SHANK2: variants seen among roughly 807,000 people sequenced by gnomAD.
SHANK2 encodes SH3 and multiple ankyrin repeat domains protein 2.
Under a neutral mutation model 133.7 loss-of-function variants are expected in SHANK2, and 43 were observed. The observed-to-expected ratio is 0.32, with a 90% CI of 0.25 to 0.41. The LOEUF (loss-of-function observed/expected upper bound fraction) is 0.41, where lower values mean the gene tolerates loss of function less well. Among genes scored for constraint, SHANK2 ranks in the 10% least tolerant of loss-of-function variants. The pLI is 1.00. For missense variants in SHANK2, 1,994 were observed against 2,235.8 expected, an observed-to-expected ratio of 0.89 and a Z score of 2.18; for synonymous variants, 1,017 against 952.8, an observed-to-expected ratio of 1.07 and a Z score of -1.24.
chr11:70,647,016 C>A (rs2134189617), intron 17 of SHANK2, among the ~76,000 whole-genome samples: 1 of 152,140 alleles, frequency 6.6e-6, no homozygotes, highest in African/African-American at 2.4e-5. Flanking sequence ...TGTCCGCCAC[C>A]ATGCCCAGCA....
At chr11:70,741,596 G>A (rs1332567925) in intron 14 of SHANK2, among the ~76,000 whole-genome samples, 1 of 152,048 alleles carries the variant, frequency 6.6e-6, no homozygotes, top group Non-Finnish European at 1.5e-5. Flanking sequence ...CAGCTGCCTG[G>A]GTACCCTGTG....
At chr11:70,492,704 C>T (rs181782832) in intron 21 of SHANK2, among the ~76,000 whole-genome samples, 108 of 151,940 alleles carry the variant, frequency 7.1e-4, no homozygotes, top group Admixed American at 2.8e-3. Context: ...AGACCCTCCA[C>T]AGCTCGGCCA....
At chr11:70,890,159 T>C (rs529415015) in intron 11 of SHANK2, among the ~76,000 whole-genome samples, 35 of 152,260 alleles carry the variant, frequency 2.3e-4, no homozygotes, top group African/African-American at 7.9e-4. Context: ...CATGCAAATA[T>C]TTCTGAATCT....
rs188896542 is a variant in SHANK2, at chr11:70,663,631, G to A, written c.1854-1953C>T. Among the ~76,000 whole-genome samples, 518 of 152,290 alleles carry A rather than the reference G, an allele frequency of 3.4e-3. 5 individuals are homozygous for A. The highest frequency in any genetic ancestry group is 5.9e-3 in the Non-Finnish European group (402 of 68,010). On this transcript the variant is annotated intron_variant, in intron 15 of 25. Coordinates refer to ENST00000601538, the MANE Select transcript of SHANK2 (RefSeq NM_012309.5). ...ACAATCCAGGTGACTGGTCACTCCC[G>A]TTGTCAGCAGCTGGGAGGGGGGTTC...
intron 11 of SHANK2, among the ~76,000 whole-genome samples, chr11:70,867,870 C>T (rs190460610): frequency 6.6e-6 from 1 of 152,344 alleles, no homozygotes; most frequent in Non-Finnish European, 1.5e-5. Flanking sequence ...CCCCGCCTCC[C>T]GCCCATCCAT....
At chr11:70,753,173 TA>T (rs201365664) in intron 14 of SHANK2, among the ~76,000 whole-genome samples, 7,501 of 121,544 alleles carry the variant, frequency 0.062, 439 homozygotes, top group East Asian at 0.32. Context: ...ACAGAACTGT[TA>T]AAAAAAAAAA....
chr11:70,749,786 AT>A (rs1946717651), intron 14 of SHANK2, among the ~76,000 whole-genome samples: 1 of 152,228 alleles, frequency 6.6e-6, no homozygotes, highest in African/African-American at 2.4e-5. Context: ...TGACAAATCA[AT>A]GACATTTGTC....
chr11:70,666,113 T>C (rs560387429), intron 15 of SHANK2, among the ~76,000 whole-genome samples: 2 of 152,210 alleles, frequency 1.3e-5, no homozygotes, highest in African/African-American at 4.8e-5. Context: ...CTACAGGGTT[T>C]CGAGTAAAAA....
At chr11:70,497,541 C>T (rs889998169) in intron 21 of SHANK2, among the ~76,000 whole-genome samples, 6 of 152,284 alleles carry the variant, frequency 3.9e-5, no homozygotes, top group Non-Finnish European at 5.9e-5. Flanking sequence ...TCTGAGCAAA[C>T]GTGTGTTCTC....
At chr11:70,727,350 T>G (rs555148757) in intron 14 of SHANK2, among the ~76,000 whole-genome samples, 33 of 152,310 alleles carry the variant, frequency 2.2e-4, no homozygotes, top group South Asian at 1.0e-3. Context: ...TATGAACTGC[T>G]ATATTTGGGG....
rs114314746 is a variant in SHANK2 at position 70,639,875 on chromosome 11, C to T, written c.2061+19953G>A. 4.8e-3 allele frequency among the ~76,000 whole-genome samples: 725 copies of T among 152,288 alleles called. 6 individuals are homozygous for T. The highest frequency in any genetic ancestry group is 0.017 in the African/African-American group (690 of 41,558). On this transcript the variant is annotated intron_variant, in intron 17 of 25. Transcript: ENST00000601538. ...TCGGCCTCTCAGTGGTGGAGTTCTA[C>T]GTGGCTGGGATTGGGACATCAGTGG...
intron 17 of SHANK2, among the ~76,000 whole-genome samples, chr11:70,598,070 CAG>C (rs1591629646): frequency 6.6e-6 from 1 of 152,224 alleles, no homozygotes; most frequent in Non-Finnish European, 1.5e-5. Flanking sequence ...TCTGGACACT[CAG>C]GGGTGGAGTG....
intron 14 of SHANK2, among the ~76,000 whole-genome samples, chr11:70,756,084 G>A (rs941632337): frequency 6.6e-6 from 1 of 152,076 alleles, no homozygotes; most frequent in Non-Finnish European, 1.5e-5. Context: ...CTCACTGGCC[G>A]CAGCGGGTTC....
At chr11:71,156,762 G>A (rs1424700165) in intron 2 of SHANK2, among the ~76,000 whole-genome samples, 1 of 152,196 alleles carries the variant, frequency 6.6e-6, no homozygotes, top group Non-Finnish European at 1.5e-5. Context: ...CAGTGTCTCA[G>A]AGAAAGGGGT....
intron 11 of SHANK2, among the ~76,000 whole-genome samples, chr11:70,832,073 G>C (rs1948734667): frequency 6.6e-6 from 1 of 152,366 alleles, no homozygotes; most frequent in South Asian, 2.1e-4. Context: ...TTGGGGACAA[G>C]TCTCAGCTCT....
intron 11 of SHANK2, among the ~76,000 whole-genome samples, chr11:70,892,074 A>G (rs1555074811): frequency 6.6e-6 from 1 of 152,184 alleles, no homozygotes; most frequent in African/African-American, 2.4e-5. Context: ...GTGAGAGACC[A>G]CTGTGAGCTA....
At chr11:70,885,023 G>C (rs1949716346) in intron 11 of SHANK2, among the ~76,000 whole-genome samples, 1 of 152,074 alleles carries the variant, frequency 6.6e-6, no homozygotes, top group Non-Finnish European at 1.5e-5. Flanking sequence ...GCCCAGCCAG[G>C]GGTCTTTTCT....
At chr11:70,750,460 T>C (rs1338173734) in intron 14 of SHANK2, among the ~76,000 whole-genome samples, 1 of 152,250 alleles carries the variant, frequency 6.6e-6, no homozygotes, top group African/African-American at 2.4e-5. Flanking sequence ...CCCATTGCTT[T>C]TGGCCTCTCT....
intron 15 of SHANK2, among the ~76,000 whole-genome samples, chr11:70,666,179 G>A (rs1344216303): frequency 6.6e-6 from 1 of 152,210 alleles, no homozygotes; most frequent in Admixed American, 6.5e-5. Flanking sequence ...ACTCAGTGCT[G>A]CAGAGGACCT....
Sources: allele counts gnomAD v4.1 joint callset (sites outside exome capture counted in the v4.1 genomes callset), GRCh38; gene constraint gnomAD v4.1.1; transcripts MANE v1.5; gene names NCBI Gene and HGNC (gene_info 2026-07-23, HGNC 2026-07-21).